EP400: variants seen among roughly 807,000 people sequenced by gnomAD.
The protein encoded by EP400 is E1A-binding protein p400.
Under a neutral mutation model 354.1 loss-of-function variants are expected in EP400, and 105 were observed. That is an observed-to-expected ratio of 0.30 (90% confidence interval 0.25 to 0.35). The LOEUF (loss-of-function observed/expected upper bound fraction) is 0.35, where lower values mean the gene tolerates loss of function less well. Ranked by LOEUF, EP400 falls within the 10% of genes least tolerant of loss-of-function variation. The probability of loss-of-function intolerance (pLI) is 1.00; values close to 1 mark genes in which losing one functional copy is unlikely to be tolerated. For missense variants in EP400, 3,280 were observed against 4,121.0 expected (o/e 0.80, Z 5.59); for synonymous variants, 1,646 against 1,716.9 (o/e 0.96, Z 1.02).
Position 132,025,779 on chromosome 12 carries a change from C to T in EP400, c.4989C>T (p.Pro1663=), listed in dbSNP as rs1163422816. ...GAAGCAAGCCCCCGGCCGGCGGTCC[C>T]AGCCCTGCACCCTTGACCCCACAAG... The part of the protein sequence containing the change: ...ALGSKPPAGG[P]SPAPLTPQVG... The change falls in exon 25 of 53, where the codon CCC becomes CCT. Residue 1663 remains proline (P), a synonymous_variant. Transcript: ENST00000389561. The surrounding 1 kb of genome is among the most constrained non-coding windows in gnomAD (Gnocchi z 4.1). The T allele has an allele frequency of 1.9e-6, 3 of 1,609,362 alleles. No individual in the cohort carries two copies. Among genetic ancestry groups the T allele is most frequent in the East Asian group, 4.5e-5 (2 of 44,790 alleles).
chr12:131,989,954 T>C lies in EP400; in HGVS notation c.2410-10T>C, dbSNP rs781597955. On this transcript the variant is annotated splice_polypyrimidine_tract_variant and intron_variant, in intron 7 of 52. Coordinates refer to ENST00000389561, the MANE Select transcript of EP400 (RefSeq NM_015409.5). Reference sequence around the variant, plus strand: ...GTACAACATACAATTCTTGCACTTTTATTCACCAGCTCGTTAGAACTGTGG... The same window carrying C: ...GTACAACATACAATTCTTGCACTTTCATTCACCAGCTCGTTAGAACTGTGG... The C allele has an allele frequency of 6.2e-7, 1 of 1,613,040 alleles. No homozygotes were observed. Among genetic ancestry groups the C allele is most frequent in the Non-Finnish European group, 8.5e-7 (1 of 1,179,800 alleles).
At chr12:131,988,464 C>G (rs1376445288) in intron 7 of EP400, among the ~76,000 whole-genome samples, 2 of 152,158 alleles carry the variant, frequency 1.3e-5, no homozygotes, top group East Asian at 3.9e-4. Flanking sequence ...TTAGAAGGCA[C>G]CTGGTATCAG....
At chr12:132,076,408 TG>T in intron 51 of EP400, 107 bp from the exon 52 acceptor site, 1 of 1,089,000 alleles carries the variant, frequency 9.2e-7, no homozygotes, top group Non-Finnish European at 1.4e-6. Flanking sequence ...CTGTGTCACC[TG>T]GTCATTGTGT....
chr12:132,011,362 C>G lies in EP400; in HGVS notation c.3305-136C>G, dbSNP rs543893018. 24 of 1,088,592 alleles carry G rather than the reference C, an allele frequency of 2.2e-5. No homozygotes were observed. In the Admixed American group the frequency reaches 2.2e-4, roughly 10 times the overall value. The allele number at this position is 1,088,592 out of a possible 1,614,324, so 67.4% of individuals were successfully genotyped here. On this transcript the variant is annotated intron_variant, in intron 15 of 52. Transcript: ENST00000389561. ...TCCAGATGAATGCACTTGTTCCCCC[C>G]CAAGTCTGCCTCAGTCGTGCGATGG...
At chr12:131,986,149 A>AT (rs949526284) in intron 5 of EP400, among the ~76,000 whole-genome samples, 4 of 151,256 alleles carry the variant, frequency 2.6e-5, no homozygotes, top group Non-Finnish European at 5.9e-5. Context: ...TAATTTTTAA[A>AT]TTTTTTTGTA....
At chr12:132,000,890 CTCTTT>C (rs1893386263) in intron 12 of EP400, among the ~76,000 whole-genome samples, 2 of 152,326 alleles carry the variant, frequency 1.3e-5, no homozygotes, top group South Asian at 4.1e-4. Flanking sequence ...TTTCAGTCAT[CTCTTT>C]TATTTCTTCA....
chr12:132,026,360 T>G (rs1894304505), intron 25 of EP400, among the ~76,000 whole-genome samples: 1 of 152,220 alleles, frequency 6.6e-6, no homozygotes. Flanking sequence ...GATGGAGCCC[T>G]TGTCCTGGTG....
At chr12:131,997,665 A>G (rs528306509) in intron 12 of EP400, among the ~76,000 whole-genome samples, 19 of 150,408 alleles carry the variant, frequency 1.3e-4, no homozygotes, top group African/African-American at 2.4e-4. Context: ...TACATTTACT[A>G]TTTATTAAGT....
At chr12:131,950,688 C>T (rs1427358153) in intron 1 of EP400, among the ~76,000 whole-genome samples, 10 of 152,172 alleles carry the variant, frequency 6.6e-5, no homozygotes, top group Admixed American at 6.5e-4. Flanking sequence ...CACACACCTG[C>T]GGCCCACGGG....
intron 32 of EP400, among the ~76,000 whole-genome samples, chr12:132,039,977 C>T (rs1445941192): frequency 6.6e-6 from 1 of 152,178 alleles, no homozygotes; most frequent in Non-Finnish European, 1.5e-5. Flanking sequence ...GAGATTGAGG[C>T]TGCTGTGAGC....
In EP400 at chr12:132,011,514, T is replaced by C; in HGVS notation, c.3321T>C (p.His1107=). ...LACNEGNWGP[H]LVVVRSCNIL... Reference sequence around the variant, plus strand: ...GCTTTGTAGGTAATTGGGGCCCCCATCTTGTTGTTGTGAGAAGTTGTAACA... The same window carrying C: ...GCTTTGTAGGTAATTGGGGCCCCCACCTTGTTGTTGTGAGAAGTTGTAACA... The change falls in exon 16 of 53, where the codon CAT becomes CAC. Residue 1107 remains histidine (H), a synonymous_variant. Transcript: ENST00000389561. The C allele has an allele frequency of 6.2e-7, 1 of 1,612,660 alleles. No individual in the cohort carries two copies. Among genetic ancestry groups the C allele is most frequent in the Non-Finnish European group, 8.5e-7 (1 of 1,179,710 alleles).
rs1895060853 is a variant in EP400, at chr12:132,045,455, G to T, written c.6921G>T (p.Gln2307His). The change falls in exon 38 of 53, where the codon CAG becomes CAT. Residue 2307 changes from glutamine (Q) to histidine (H), a missense_variant. Physicochemically the swap from Gln to His is conservative, Grantham distance 24 (BLOSUM62 0). Coordinates refer to ENST00000389561, the MANE Select transcript of EP400 (RefSeq NM_015409.5). ...KEQKKNILLKQQVPFAKPLPT... is the reference protein window; with the variant it reads ...KEQKKNILLKHQVPFAKPLPT... ...AGAAGAAGAATATTCTGCTGAAGCA[G>T]CAGGTGCCATTCGCCAAGCCCCTGC... is the stretch of plus-strand genomic sequence containing the variant. 6.2e-7 allele frequency: 1 copy of T among 1,614,108 alleles called. No homozygotes were observed. The highest frequency in any genetic ancestry group is 8.5e-7 in the Non-Finnish European group (1 of 1,180,048).
At chr12:132,043,186 T>C in intron 32 of EP400, 118 bp from the exon 33 acceptor site, 1 of 1,102,442 alleles carries the variant, frequency 9.1e-7, no homozygotes, top group Non-Finnish European at 1.3e-6. Context: ...ATTACCTTTA[T>C]GGAGAGTGGG....
In EP400 at chr12:132,055,082, C is replaced by A; in HGVS notation, c.7775-17C>A. On this transcript the variant is annotated splice_polypyrimidine_tract_variant and intron_variant, in intron 44 of 52. Coordinates refer to ENST00000389561, the MANE Select transcript of EP400 (RefSeq NM_015409.5). Reference sequence around the variant, plus strand: ...TTTCTCCTGGCGCTGTTGCCTTATGCCCGCCTGTCTCCGCAGGTGCCGTGA... The same window carrying A: ...TTTCTCCTGGCGCTGTTGCCTTATGACCGCCTGTCTCCGCAGGTGCCGTGA... 6.2e-7 allele frequency: 1 copy of A among 1,613,754 alleles called. No individual in the cohort carries two copies. The highest frequency in any genetic ancestry group is 8.5e-7 in the Non-Finnish European group (1 of 1,179,828).
In EP400 at chr12:132,005,126, G is replaced by A. The variant is rs374482922; in HGVS notation, c.2877G>A (p.Leu959=). The A allele has an allele frequency of 2.5e-6, 4 of 1,590,820 alleles. No individual in the cohort carries two copies. The highest frequency in any genetic ancestry group is 3.4e-6 in the Non-Finnish European group (4 of 1,168,900). Residue 959 remains leucine (L), a synonymous_variant, in exon 13 of 53, where the codon CTG becomes CTA. Transcript: ENST00000389561. The part of the protein sequence containing the change: ...DLMKLYEGAF[L]PSSQWPRPKP... ...TGAAGCTGTACGAAGGCGCCTTCCT[G>A]CCGAGTTCTCAGTGGCCCCGGCCGA...
chr12:131,985,601 G>A (rs942905599), intron 5 of EP400, among the ~76,000 whole-genome samples: 4 of 152,246 alleles, frequency 2.6e-5, no homozygotes, highest in East Asian at 1.9e-4. Flanking sequence ...GAGGTGGTGC[G>A]AAGAGGAGGA....
intron 45 of EP400, among the ~76,000 whole-genome samples, 177 bp downstream of exon 45, chr12:132,055,385 A>AG (rs1430448901): frequency 3.3e-5 from 5 of 152,164 alleles, no homozygotes; most frequent in African/African-American, 9.6e-5. Context: ...TCAGCTGTTT[A>AG]GGGGATGGTT....
intron 45 of EP400, 53 bp downstream of exon 45, chr12:132,055,261 A>G: frequency 2.2e-6 from 3 of 1,375,092 alleles, no homozygotes; most frequent in Non-Finnish European, 3.0e-6. Flanking sequence ...TGCCGAAATT[A>G]TTTGCTTGTC....
At position 131,982,482 on chromosome 12, in the gene EP400, T is replaced by C. The variant is rs1892715606; in HGVS notation, c.1929+4T>C. The C allele has an allele frequency of 2.5e-6, 4 of 1,587,686 alleles. No homozygotes were observed. The highest frequency in any genetic ancestry group is 2.7e-5 in the African/African-American group (2 of 73,774). The stretch of plus-strand genomic sequence containing the variant: ...TCAGCTTTCCTCCCTGCCACAGGTA[T>C]GAGAAAAGATAGAGGAAAAAAAGAA... On this transcript the variant is annotated splice_donor_region_variant and intron_variant, in intron 5 of 52. Transcript: ENST00000389561.
Sources: gnomAD v4.1 joint callset for allele counts (sites outside exome capture counted in the v4.1 genomes callset) on GRCh38, gnomAD v4.1.1 for gene constraint, Gnocchi (gnomAD v3.1) non-coding constraint, MANE v1.5 for transcripts, NCBI Gene and HGNC (gene_info 2026-07-23, HGNC 2026-07-21) for gene names.